NCAM2: variants seen among roughly 807,000 people sequenced by gnomAD.
The protein encoded by NCAM2 is N-CAM-2.
In NCAM2, 30 loss-of-function variants were observed where a neutral mutation model predicts 98.1. The observed-to-expected ratio is 0.31, with a 90% CI of 0.23 to 0.41. The LOEUF (loss-of-function observed/expected upper bound fraction) is 0.41, where lower values mean the gene tolerates loss of function less well. Among genes scored for constraint, NCAM2 ranks in the 10% least tolerant of loss-of-function variants. NCAM2 has a pLI of 1.00. For missense variants in NCAM2, 867 were observed against 1,005.8 expected, an observed-to-expected ratio of 0.86 and a Z score of 1.87; for synonymous variants, 368 against 342.4, an observed-to-expected ratio of 1.07 and a Z score of -0.83.
chr21:21,227,023 A>G (rs1718879925), intron 1 of NCAM2, among the ~76,000 whole-genome samples: 1 of 152,046 alleles, frequency 6.6e-6, no homozygotes, highest in South Asian at 2.1e-4. Flanking sequence ...GATAAAGTCT[A>G]TGAACAACCT....
intron 1 of NCAM2, among the ~76,000 whole-genome samples, chr21:21,246,975 G>A (rs1204247348): frequency 1.3e-5 from 2 of 152,004 alleles, no homozygotes; most frequent in African/African-American, 2.4e-5. Context: ...TGGGTAAACA[G>A]CTTCCCATTG....
chr21:21,018,847 A>G (rs1001755945), intron 1 of NCAM2, among the ~76,000 whole-genome samples: 2 of 151,734 alleles, frequency 1.3e-5, no homozygotes, highest in African/African-American at 4.8e-5. Flanking sequence ...AAATATTTAG[A>G]GAGCTTTCCT....
intron 1 of NCAM2, among the ~76,000 whole-genome samples, chr21:21,131,266 G>T (rs1445057381): frequency 7.5e-6 from 1 of 133,206 alleles, no homozygotes; most frequent in Non-Finnish European, 1.6e-5. Context: ...TTATTTCTAG[G>T]GTTTAATTTT....
chr21:21,104,996 C>G (rs938749609), intron 1 of NCAM2, among the ~76,000 whole-genome samples: 5 of 152,036 alleles, frequency 3.3e-5, no homozygotes, highest in African/African-American at 1.2e-4. Flanking sequence ...AACAAATCCC[C>G]CAGTCTCAAA....
rs1223447839 is a variant in NCAM2 at position 21,115,363 on chromosome 21, TAG to T, written c.55+116748_55+116749del. ...TCCTTATTGTTAAATTACCATAAAA[TAG>T]AGTTTCAAAGTAAAAAATTCTACCA... On this transcript the variant is annotated intron_variant, in intron 1 of 17. Transcript: ENST00000400546. 3.9e-5 allele frequency among the ~76,000 whole-genome samples: 6 copies of T among 152,248 alleles called. No individual in the cohort carries two copies. In the East Asian group the frequency reaches 5.8e-4, roughly 15 times the overall value.
At chr21:21,097,353 T>A (rs1298060763) in intron 1 of NCAM2, among the ~76,000 whole-genome samples, 1 of 151,732 alleles carries the variant, frequency 6.6e-6, no homozygotes, top group Non-Finnish European at 1.5e-5. Flanking sequence ...TGAAATGTGT[T>A]ATGGGAAGCA....
At chr21:21,178,475 C>CA (rs1247567713) in intron 1 of NCAM2, among the ~76,000 whole-genome samples, 1 of 152,102 alleles carries the variant, frequency 6.6e-6, no homozygotes, top group East Asian at 1.9e-4. Flanking sequence ...CTCAGCAAAG[C>CA]AAAACCTTAA....
In NCAM2 at chr21:21,080,530, C is replaced by T. The variant is rs141580342; in HGVS notation, c.55+81912C>T. Among the ~76,000 whole-genome samples, 753 of 151,494 alleles carry T rather than the reference C, an allele frequency of 5.0e-3. 5 individuals are homozygous for T. The highest frequency in any genetic ancestry group is 7.9e-3 in the Non-Finnish European group (538 of 67,874). On this transcript the variant is annotated intron_variant, in intron 1 of 17. Coordinates refer to ENST00000400546, the MANE Select transcript of NCAM2 (RefSeq NM_004540.5). ...ACTTGGGAAGCTGAGGCAAGAGAAT[C>T]GCTTGAACCTGGGATGTGGAGGTTG...
chr21:21,361,474 A>G (rs1322928610), intron 8 of NCAM2, among the ~76,000 whole-genome samples: 2 of 151,814 alleles, frequency 1.3e-5, no homozygotes, highest in African/African-American at 2.4e-5. Flanking sequence ...TTTTCTTACT[A>G]TGCTGTTCAC....
intron 16 of NCAM2, among the ~76,000 whole-genome samples, chr21:21,514,212 A>G (rs1988571052): frequency 6.6e-6 from 1 of 151,356 alleles, no homozygotes; most frequent in Non-Finnish European, 1.5e-5. Context: ...TTATTTTTTT[A>G]ACTGGCAAAA....
chr21:21,157,503 A>T (rs1006267501), intron 1 of NCAM2, among the ~76,000 whole-genome samples: 7 of 152,156 alleles, frequency 4.6e-5, no homozygotes, highest in Admixed American at 4.6e-4. Flanking sequence ...ATCAAAAAGC[A>T]ATTACATATA....
At chr21:21,403,076 C>T (rs1222761173) in intron 9 of NCAM2, among the ~76,000 whole-genome samples, 1 of 152,010 alleles carries the variant, frequency 6.6e-6, no homozygotes, top group East Asian at 1.9e-4. Flanking sequence ...TTTTAAAATA[C>T]CTGTTGGCCA....
chr21:21,145,715 G>T (rs1406112016), intron 1 of NCAM2, among the ~76,000 whole-genome samples: 2 of 152,166 alleles, frequency 1.3e-5, no homozygotes, highest in East Asian at 3.9e-4. Context: ...AATTAAAGAT[G>T]TATTCAGAAG....
rs112436704 is a variant in NCAM2, at chr21:21,030,404, T to C, written c.55+31786T>C. Among the ~76,000 whole-genome samples, 121 of 152,304 alleles carry C rather than the reference T, an allele frequency of 7.9e-4. 3 individuals carry two copies. The highest frequency in any genetic ancestry group is 2.7e-3 in the African/African-American group (113 of 41,578). On this transcript the variant is annotated intron_variant, in intron 1 of 17. Transcript: ENST00000400546. ...GGCATAAATGATACAAACTTTATCT[T>C]ACTGTTCTATAGGTCAGAAGTTTCC... is the stretch of plus-strand genomic sequence containing the variant.
chr21:21,143,947 C>T (rs2067221782), intron 1 of NCAM2, among the ~76,000 whole-genome samples: 1 of 151,820 alleles, frequency 6.6e-6, no homozygotes, highest in Non-Finnish European at 1.5e-5. Flanking sequence ...TAGTAGAAAA[C>T]TCAATGTGTT....
chr21:21,172,956 T>A (rs2068170932), intron 1 of NCAM2, among the ~76,000 whole-genome samples: 1 of 152,164 alleles, frequency 6.6e-6, no homozygotes, highest in South Asian at 2.1e-4. Flanking sequence ...TTTACTGCTT[T>A]AAAAATTTAC....
intron 1 of NCAM2, among the ~76,000 whole-genome samples, chr21:21,014,675 C>T (rs1218945795): frequency 6.6e-6 from 1 of 152,200 alleles, no homozygotes; most frequent in Non-Finnish European, 1.5e-5. Context: ...TGCCTACTAA[C>T]ACAACATTCA....
At chr21:21,341,337 A>G (rs1013984903) in intron 8 of NCAM2, among the ~76,000 whole-genome samples, 1 of 152,138 alleles carries the variant, frequency 6.6e-6, no homozygotes, top group African/African-American at 2.4e-5. Flanking sequence ...AGCCCAGGGC[A>G]TAGGAATGCA....
chr21:21,480,323 C>CAG (rs1985742813), intron 15 of NCAM2, among the ~76,000 whole-genome samples: 1 of 143,176 alleles, frequency 7.0e-6, no homozygotes, highest in African/African-American at 2.7e-5. Context: ...GCCGAGATGG[C>CAG]GCCACTGCAC....
Sources: allele counts gnomAD v4.1 joint callset (sites outside exome capture counted in the v4.1 genomes callset), GRCh38; gene constraint gnomAD v4.1.1; transcripts MANE v1.5; gene names NCBI Gene and HGNC (gene_info 2026-07-23, HGNC 2026-07-21).